Variants in CNTNAP2 observed in about 807,000 individuals in gnomAD.
CNTNAP2 encodes the protein contactin associated protein 2.
In CNTNAP2, 98 loss-of-function variants were observed where a neutral mutation model predicts 155.2. The ratio of observed to expected loss-of-function variants is 0.63; its 90% CI spans 0.54 to 0.75. The LOEUF is 0.75. Among genes scored for constraint, CNTNAP2 ranks in the 30% least tolerant of loss-of-function variants. The pLI is 0.00. For synonymous variants in CNTNAP2, 651 were observed against 631.2 expected, an observed-to-expected ratio of 1.03 and a Z score of -0.47; for missense variants, 1,727 against 1,688.1, an observed-to-expected ratio of 1.02 and a Z score of -0.40.
intron 3 of CNTNAP2, among the ~76,000 whole-genome samples, chr7:146,990,415 G>A (rs1248215981): frequency 6.6e-6 from 1 of 152,128 alleles, no homozygotes; most frequent in East Asian, 1.9e-4. Flanking sequence ...TAAGATCATG[G>A]AATGTTAGTT....
At chr7:147,945,427 C>T (rs555921223) in intron 14 of CNTNAP2, among the ~76,000 whole-genome samples, 3 of 152,102 alleles carry the variant, frequency 2.0e-5, no homozygotes, top group Non-Finnish European at 2.9e-5. Flanking sequence ...TTTGTATATT[C>T]GTATCTGAAT....
At chr7:146,198,136 C>T (rs1282818447) in intron 1 of CNTNAP2, among the ~76,000 whole-genome samples, 2 of 152,068 alleles carry the variant, frequency 1.3e-5, no homozygotes, top group Non-Finnish European at 2.9e-5. Context: ...GATGACAATT[C>T]GGATTATAAC....
intron 10 of CNTNAP2, among the ~76,000 whole-genome samples, chr7:147,416,694 G>A (rs1287919194): frequency 6.6e-6 from 1 of 152,222 alleles, no homozygotes; most frequent in Non-Finnish European, 1.5e-5. Flanking sequence ...CCATAAACCA[G>A]CCTCTGGGGC....
chr7:147,398,705 A>G (rs1796864027), intron 10 of CNTNAP2, among the ~76,000 whole-genome samples: 1 of 144,180 alleles, frequency 6.9e-6, no homozygotes, highest in Non-Finnish European at 1.5e-5. Flanking sequence ...GCCAAGCTAC[A>G]GAATTATGCA....
intron 1 of CNTNAP2, among the ~76,000 whole-genome samples, chr7:146,182,990 ACATTAC>A (rs1450512492): frequency 6.6e-6 from 1 of 152,168 alleles, no homozygotes; most frequent in African/African-American, 2.4e-5. Flanking sequence ...TTTATTTTAT[ACATTAC>A]CATTTAATTC....
chr7:147,377,814 ACT>A (rs1408422689), intron 9 of CNTNAP2, among the ~76,000 whole-genome samples: 3 of 151,198 alleles, frequency 2.0e-5, no homozygotes, highest in Non-Finnish European at 3.0e-5. Flanking sequence ...CCTTAGGGAT[ACT>A]CTCTCTTTTC....
chr7:147,502,022 G>A (rs1273362411), intron 11 of CNTNAP2, among the ~76,000 whole-genome samples: 2 of 152,138 alleles, frequency 1.3e-5, no homozygotes, highest in African/African-American at 2.4e-5. Context: ...AGAGGTGAGT[G>A]AAGGATCCAT....
At chr7:147,022,863 A>G (rs1173539215) in intron 3 of CNTNAP2, among the ~76,000 whole-genome samples, 1 of 152,162 alleles carries the variant, frequency 6.6e-6, no homozygotes, top group Non-Finnish European at 1.5e-5. Context: ...GAACTTCATT[A>G]TATTCATCAA....
chr7:148,106,955 C>G (rs1319964009), intron 15 of CNTNAP2, among the ~76,000 whole-genome samples: 1 of 152,084 alleles, frequency 6.6e-6, no homozygotes, highest in Non-Finnish European at 1.5e-5. Context: ...TAGTTATTAA[C>G]TTTGAGCCCC....
chr7:148,297,165 A>AAAGTAAGGAAGG (rs1554413951), intron 21 of CNTNAP2, among the ~76,000 whole-genome samples: 2 of 128,832 alleles, frequency 1.6e-5, no homozygotes, highest in African/African-American at 3.0e-5. Context: ...GAGATAGAGA[A>AAAGTAAGGAAGG]AAGGAAGGAA....
chr7:146,191,256 G>A (rs1023277306), intron 1 of CNTNAP2, among the ~76,000 whole-genome samples: 2 of 152,092 alleles, frequency 1.3e-5, no homozygotes, highest in Admixed American at 6.6e-5. Flanking sequence ...TATGTCGGCA[G>A]GTTCTGTGAT....
intron 1 of CNTNAP2, among the ~76,000 whole-genome samples, chr7:146,638,985 A>G (rs1799659880): frequency 6.6e-6 from 1 of 152,224 alleles, no homozygotes; most frequent in Non-Finnish European, 1.5e-5. Context: ...CAATTGTAAC[A>G]CTATGGTAAG....
At chr7:148,408,965 A>C (rs1350694558) in intron 22 of CNTNAP2, among the ~76,000 whole-genome samples, 1 of 152,232 alleles carries the variant, frequency 6.6e-6, no homozygotes, top group Non-Finnish European at 1.5e-5. Context: ...ATTCCTTTTT[A>C]AACTTTTTAA....
intron 13 of CNTNAP2, among the ~76,000 whole-genome samples, chr7:147,821,013 AAAG>A (rs1375207330): frequency 1.3e-5 from 2 of 152,176 alleles, no homozygotes; most frequent in African/African-American, 2.4e-5. Context: ...TTGTCTAAAA[AAAG>A]AGAAAATAAC....
chr7:147,337,539 T>C (rs1795685866), intron 9 of CNTNAP2, among the ~76,000 whole-genome samples: 1 of 151,530 alleles, frequency 6.6e-6, no homozygotes, highest in African/African-American at 2.4e-5. Context: ...TAAGTTAGGG[T>C]ATGCAATATA....
intron 13 of CNTNAP2, among the ~76,000 whole-genome samples, chr7:147,751,327 T>C (rs1258074037): frequency 6.6e-6 from 1 of 151,078 alleles, no homozygotes; most frequent in Non-Finnish European, 1.5e-5. Context: ...AGCCTTGGAC[T>C]AAGTATTTAT....
chr7:147,948,112 T>G (rs1299457716), intron 14 of CNTNAP2, among the ~76,000 whole-genome samples: 1 of 152,170 alleles, frequency 6.6e-6, no homozygotes, highest in African/African-American at 2.4e-5. Context: ...TCATGGCTTA[T>G]TCAGAACACA....
chr7:147,093,606 T>C (rs1010511734), intron 4 of CNTNAP2, among the ~76,000 whole-genome samples: 2 of 152,148 alleles, frequency 1.3e-5, no homozygotes, highest in Non-Finnish European at 2.9e-5. Flanking sequence ...CAAACACTCA[T>C]ACCGTAGCGT....
At chr7:148,245,340 G>A (rs147444064) in intron 20 of CNTNAP2, among the ~76,000 whole-genome samples, 146 of 152,286 alleles carry the variant, frequency 9.6e-4, no homozygotes, top group African/African-American at 3.4e-3. Flanking sequence ...TGCCGACAGA[G>A]TTGTGTGCAA....
Sources: allele counts gnomAD v4.1 joint callset (sites outside exome capture counted in the v4.1 genomes callset), GRCh38; gene constraint gnomAD v4.1.1; transcripts MANE v1.5; gene names NCBI Gene and HGNC (gene_info 2026-07-23, HGNC 2026-07-21).